The following FANCC variants were observed in gnomAD, a reference collection of about 807,000 sequenced individuals.
FANCC encodes the protein Fanconi anemia group C protein.
Under a neutral mutation model 71.3 loss-of-function variants are expected in FANCC, and 55 were observed. The observed-to-expected ratio is 0.77, with a 90% confidence interval of 0.62 to 0.97. The LOEUF is 0.97. FANCC is among the 50% of genes least tolerant of loss of function. FANCC has a pLI of 0.00. For synonymous variants in FANCC, 275 were observed against 244.9 expected, an observed-to-expected ratio of 1.12 and a Z score of -1.15; for missense variants, 678 against 670.9, an observed-to-expected ratio of 1.01 and a Z score of -0.12.
chr9:95,138,887 T>C (rs898687732), intron 7 of FANCC, among the ~76,000 whole-genome samples: 1 of 152,216 alleles, frequency 6.6e-6, no homozygotes, highest in Non-Finnish European at 1.5e-5. Flanking sequence ...AAACGATGTG[T>C]GTTAATAGCT....
At chr9:95,142,583 T>C (rs965992740) in intron 7 of FANCC, 3 of 152,260 alleles carry the variant, frequency 2.0e-5, no homozygotes, top group Non-Finnish European at 4.4e-5. Context: ...CGAGGCACTG[T>C]GCTAAGAATA....
chr9:95,251,427 TGCCTCA>T (rs1429682343), intron 1 of FANCC, among the ~76,000 whole-genome samples: 3 of 152,292 alleles, frequency 2.0e-5, no homozygotes, highest in African/African-American at 7.2e-5. Context: ...GCGACTCTCC[TGCCTCA>T]GCCTCCCAAA....
At chr9:95,214,410 A>C (rs1402926613) in intron 4 of FANCC, among the ~76,000 whole-genome samples, 1 of 152,168 alleles carries the variant, frequency 6.6e-6, no homozygotes, top group East Asian at 1.9e-4. Flanking sequence ...CTAGCCTGGG[A>C]AACACAGCAA....
intron 8 of FANCC, among the ~76,000 whole-genome samples, chr9:95,128,909 C>CTT (rs756314206): frequency 1.0e-4 from 15 of 144,778 alleles, no homozygotes; most frequent in African/African-American, 2.3e-4. Context: ...AACCAGTCTC[C>CTT]TTTTTTTTTT....
chr9:95,253,799 C>T (rs868561444), intron 1 of FANCC, among the ~76,000 whole-genome samples: 2 of 142,614 alleles, frequency 1.4e-5, no homozygotes, highest in South Asian at 4.4e-4. Context: ...AGGGCGGGGG[C>T]AGGGATGGGG....
At position 95,117,236 on chromosome 9, in the gene FANCC, GC is replaced by G; in HGVS notation, c.1072+78del. ...TGTCTCCCTCATGCTGTAGATAAGG[GC>G]CTGATGAGGAGGTCATAATTTGACA... On this transcript the variant is annotated intron_variant, in intron 11 of 14. Transcript: ENST00000289081. 3.3e-6 allele frequency: 4 copies of G among 1,219,126 alleles called. No individual in the cohort carries two copies. The South Asian group carries it at 5.0e-5, about 15-fold the overall frequency. 75.5% of individuals were successfully genotyped at this position (1,219,126 alleles called of 1,614,324 possible).
At chr9:95,291,947 C>CAAAAAAAA (rs775436297) in intron 1 of FANCC, among the ~76,000 whole-genome samples, 1 of 40,828 alleles carries the variant, frequency 2.4e-5, no homozygotes, top group African/African-American at 1.0e-4. Context: ...GACTCTGTCT[C>CAAAAAAAA]AAAAAAAAAA....
chr9:95,200,633 T>C (rs1827749289), intron 4 of FANCC, among the ~76,000 whole-genome samples: 1 of 152,208 alleles, frequency 6.6e-6, no homozygotes, highest in South Asian at 2.1e-4. Context: ...ATGGAGATAA[T>C]TATATCTGCC....
At chr9:95,191,531 T>C (rs1487961409) in intron 4 of FANCC, among the ~76,000 whole-genome samples, 1 of 151,688 alleles carries the variant, frequency 6.6e-6, no homozygotes, top group Non-Finnish European at 1.5e-5. Flanking sequence ...CTTCCAAAAT[T>C]CTAGTTCCAG....
At position 95,129,401 on chromosome 9, in the gene FANCC, G is replaced by A. The variant is rs140864078; in HGVS notation, c.844-2820C>T. 5.6e-3 allele frequency among the ~76,000 whole-genome samples: 851 copies of A among 152,086 alleles called. 9 individuals are homozygous for A. Among genetic ancestry groups the A allele is most frequent in the African/African-American group, 0.02 (810 of 41,458 alleles). The stretch of plus-strand genomic sequence containing the variant: ...AAATAGAATTAAGGTTTTAATACAC[G>A]CTTCTTTGGAAGCCGTATCTTCCCC... On this transcript the variant is annotated intron_variant, in intron 8 of 14. Transcript: ENST00000289081.
intron 1 of FANCC, among the ~76,000 whole-genome samples, chr9:95,295,886 A>T (rs961516918): frequency 3.3e-5 from 5 of 152,214 alleles, no homozygotes; most frequent in Non-Finnish European, 7.3e-5. Flanking sequence ...TAAATTTTGG[A>T]GATCTACTAT....
chr9:95,288,536 A>C (rs539145192), intron 1 of FANCC, among the ~76,000 whole-genome samples: 1 of 152,324 alleles, frequency 6.6e-6, no homozygotes, highest in Admixed American at 6.5e-5. Context: ...ATATGGATTT[A>C]CATGGATTTC....
At chr9:95,279,962 A>G (rs544320588) in intron 1 of FANCC, among the ~76,000 whole-genome samples, 237 of 151,706 alleles carry the variant, frequency 1.6e-3, no homozygotes, top group African/African-American at 5.4e-3. Flanking sequence ...AAAAAAAAAA[A>G]AAAAAAAAAA....
chr9:95,301,943 G>A (rs1270171008), intron 1 of FANCC, among the ~76,000 whole-genome samples: 3 of 149,674 alleles, frequency 2.0e-5, no homozygotes, highest in African/African-American at 4.9e-5. Context: ...TTAGCCAGGC[G>A]CGGTGGCGGG....
intron 1 of FANCC, chr9:95,292,355 G>C (rs1299869184): frequency 5.3e-6 from 5 of 951,722 alleles, no homozygotes; most frequent in Non-Finnish European, 6.3e-6. Flanking sequence ...CCTCGGAGGC[G>C]GTGGCGGCGG....
At chr9:95,162,919 CTGT>C (rs1490372034) in intron 6 of FANCC, among the ~76,000 whole-genome samples, 1 of 152,158 alleles carries the variant, frequency 6.6e-6, no homozygotes, top group African/African-American at 2.4e-5. Context: ...GCTTTTTAAT[CTGT>C]TGATTGCTTC....
Position 95,247,468 on chromosome 9 carries a change from C to A in FANCC, c.214G>T (p.Ala72Ser), listed in dbSNP as rs567465885. 6.2e-7 allele frequency: 1 copy of A among 1,613,496 alleles called. No homozygotes were observed. Among genetic ancestry groups the A allele is most frequent in the African/African-American group, 1.3e-5 (1 of 74,880 alleles). The change falls in exon 3 of 15, where the codon GCA becomes TCA. Residue 72 changes from alanine (A) to serine (S), a missense_variant. Physicochemically the swap from Ala to Ser is moderately conservative, Grantham distance 99. Coordinates refer to ENST00000289081, the MANE Select transcript of FANCC (RefSeq NM_000136.3). Reference sequence around the variant, plus strand: ...ATAAAAGGATTCCAACAAGCTTTTGCCAACAGTTGACCAATTGTGGGGAAT... The same window carrying A: ...ATAAAAGGATTCCAACAAGCTTTTGACAACAGTTGACCAATTGTGGGGAAT... Reference protein sequence around the residue: ...ERFPTIGQLLAKACWNPFILA... With the variant: ...ERFPTIGQLLSKACWNPFILA...
At chr9:95,164,043 G>GT (rs1443539464) in intron 6 of FANCC, among the ~76,000 whole-genome samples, 2 of 152,124 alleles carry the variant, frequency 1.3e-5, no homozygotes, top group African/African-American at 4.8e-5. Flanking sequence ...AAGCAGGATT[G>GT]TTTTTAAACT....
chr9:95,103,631 A>T (rs564556817), intron 14 of FANCC, among the ~76,000 whole-genome samples: 3 of 152,326 alleles, frequency 2.0e-5, no homozygotes, highest in Admixed American at 2.0e-4. Context: ...CAGGAGCCAG[A>T]GAGGCAGGAG....
Sources: gnomAD v4.1 joint callset for allele counts (sites outside exome capture counted in the v4.1 genomes callset) on GRCh38, gnomAD v4.1.1 for gene constraint, MANE v1.5 for transcripts, NCBI Gene and HGNC (gene_info 2026-07-23, HGNC 2026-07-21) for gene names.